Variants in RHCG observed in about 807,000 individuals in gnomAD.
RHCG encodes the protein Rh family C glycoprotein.
RHCG carries 39 observed loss-of-function variants against 55.3 expected under a neutral mutation model. The ratio of observed to expected loss-of-function variants is 0.70; its 90% CI spans 0.55 to 0.92. The LOEUF (loss-of-function observed/expected upper bound fraction) is 0.92, where lower values mean the gene tolerates loss of function less well. Among genes scored for constraint, RHCG ranks in the 40% least tolerant of loss-of-function variants. RHCG has a pLI of 0.00. For synonymous variants in RHCG, 250 were observed against 246.8 expected, an observed-to-expected ratio of 1.01 and a Z score of -0.12; for missense variants, 635 against 627.9, an observed-to-expected ratio of 1.01 and a Z score of -0.12.
chr15:89,494,536 A>G (rs1271734377), intron 1 of RHCG, among the ~76,000 whole-genome samples: 1 of 152,042 alleles, frequency 6.6e-6, no homozygotes, highest in Non-Finnish European at 1.5e-5. Context: ...GTGTGGTGCG[A>G]GGAGGATAAG....
intron 2 of RHCG, among the ~76,000 whole-genome samples, chr15:89,484,199 G>C (rs543580817): frequency 1.3e-5 from 2 of 152,288 alleles, no homozygotes; most frequent in Admixed American, 1.3e-4. Context: ...TGTAGGGCCA[G>C]TTCACTGGAC....
At chr15:89,486,600 G>GTA in intron 2 of RHCG, 199 bp downstream of exon 2, 1 of 367,100 alleles carries the variant, frequency 2.7e-6, no homozygotes, top group Non-Finnish European at 5.2e-6. Context: ...GAGAGAGAGA[G>GTA]TGTGTGTGTG....
chr15:89,478,787 G>A (rs1961205513), intron 5 of RHCG, among the ~76,000 whole-genome samples: 1 of 152,154 alleles, frequency 6.6e-6, no homozygotes, highest in South Asian at 2.1e-4. Context: ...ACGTCAAGAC[G>A]CTTGTGTCAG....
At chr15:89,472,961 C>G in intron 9 of RHCG, 98 bp from the exon 10 acceptor site, 4 of 1,325,628 alleles carry the variant, frequency 3.0e-6, no homozygotes, top group Non-Finnish European at 4.0e-6. Context: ...GTGTGGCGAG[C>G]GCCACCTTGT....
chr15:89,479,274 T>C (rs564794837), intron 5 of RHCG, 48 bp downstream of exon 5: 67 of 1,579,904 alleles, frequency 4.2e-5, no homozygotes, highest in Admixed American at 3.1e-4. Flanking sequence ...ATCAGCGCCC[T>C]CCAGGCCCAG....
At chr15:89,486,222 G>A in intron 2 of RHCG, 2 of 456,382 alleles carry the variant, frequency 4.4e-6, no homozygotes, top group Non-Finnish European at 8.8e-6. Context: ...TCCAGCACCT[G>A]TTCCCTGGGG....
chr15:89,474,936 GCCTT>G lies in RHCG; in HGVS notation c.1311+1815_1311+1818del, dbSNP rs1567224023. ...TTCCTTCCTGCCTGCCTGCCTTCCT[GCCTT>G]CCTGCCTTCATTCATTCCTGCCTGC... On this transcript the variant is annotated intron_variant, in intron 9 of 10. Transcript: ENST00000268122. 8.7e-4 allele frequency among the ~76,000 whole-genome samples: 68 copies of G among 78,610 alleles called. 11 individuals carry two copies. The highest frequency in any genetic ancestry group is 0.012 in the Middle Eastern group (1 of 86). The allele number at this position is 78,610 out of a possible 152,430, so 51.6% of individuals were successfully genotyped here.
At chr15:89,482,540 G>GAT in intron 3 of RHCG, among the ~76,000 whole-genome samples, 1 of 152,314 alleles carries the variant, frequency 6.6e-6, no homozygotes, top group East Asian at 1.9e-4. Context: ...AGGCTTCTGA[G>GAT]ATAGAGTCAG....
chr15:89,472,894 C>T (rs1462007807), intron 9 of RHCG, 31 bp from the exon 10 acceptor site: 1 of 1,399,574 alleles, frequency 7.1e-7, no homozygotes, highest in Non-Finnish European at 9.4e-7. Flanking sequence ...TCTGAGGGCC[C>T]TGTCCCAGTC....
At chr15:89,476,865 G>A in intron 8 of RHCG, 37 bp from the exon 9 acceptor site, 1 of 1,584,332 alleles carries the variant, frequency 6.3e-7, no homozygotes, top group Non-Finnish European at 8.7e-7. Flanking sequence ...GTCAGGAAGT[G>A]CCTTCTCTCT....
chr15:89,477,905 G>A lies in RHCG; in HGVS notation c.907C>T (p.Pro303Ser). 1 of 1,614,044 alleles carries A rather than the reference G, an allele frequency of 6.2e-7. No homozygotes were observed. The highest frequency in any genetic ancestry group is 8.5e-7 in the Non-Finnish European group (1 of 1,179,990). The change falls in exon 6 of 11, where the codon CCT becomes TCT. Residue 303 changes from proline (P) to serine (S), a missense_variant. Transcript: ENST00000268122. This position sits in a 1 kb window ranked among gnomAD's most constrained non-coding sequence, Gnocchi z 4.5. The stretch of plus-strand genomic sequence containing the variant: ...AAGCCGATGATGAGGGCACCGTAAG[G>A]CATGAGCATCATCTCAGCAGCGGTA... ...VGTAAEMMLM[P>S]YGALIIGFVC...
intron 2 of RHCG, among the ~76,000 whole-genome samples, chr15:89,484,898 A>T (rs1182207279): frequency 1.3e-5 from 2 of 152,106 alleles, no homozygotes; most frequent in African/African-American, 2.4e-5. Context: ...AAGCTTGGGC[A>T]GGGCCTGAAG....
At chr15:89,489,283 AT>A (rs577244121) in intron 1 of RHCG, among the ~76,000 whole-genome samples, 209 of 145,572 alleles carry the variant, frequency 1.4e-3, no homozygotes, top group East Asian at 2.4e-3. Context: ...CACCCAGCTA[AT>A]TTTTTTTTTT....
intron 2 of RHCG, among the ~76,000 whole-genome samples, chr15:89,485,082 A>G (rs773733607): frequency 5.9e-5 from 9 of 152,150 alleles, no homozygotes; most frequent in Non-Finnish European, 1.0e-4. Flanking sequence ...TGAAAAATCA[A>G]TCTCCTGAGA....
chr15:89,496,451 A>G lies in RHCG; in HGVS notation c.94T>C (p.Tyr32His), dbSNP rs1429021680. Residue 32 changes from tyrosine (Y) to histidine (H), a missense_variant, in exon 1 of 11, where the codon TAC becomes CAC. Coordinates refer to ENST00000268122, the MANE Select transcript of RHCG (RefSeq NM_016321.3). Reference sequence around the variant, plus strand: ...CAGTGGGCGTCGGCCTCGAAGTCGTAGCGCACGAACACCCCGAAGAGAATC... The same window carrying G: ...CAGTGGGCGTCGGCCTCGAAGTCGTGGCGCACGAACACCCCGAAGAGAATC... ...MVILFGVFVR[Y>H]DFEADAHWWS... 2 of 1,614,028 alleles carry G rather than the reference A, an allele frequency of 1.2e-6. No homozygotes were observed. Among genetic ancestry groups the G allele is most frequent in the Admixed American group, 3.3e-5 (2 of 60,036 alleles).
intron 2 of RHCG, chr15:89,486,554 GAGAGAGAGAC>G: frequency 1.8e-6 from 1 of 554,710 alleles, no homozygotes. Context: ...AAGTGAGAGA[GAGAGAGAGAC>G]AGAGAGAGAG....
intron 1 of RHCG, among the ~76,000 whole-genome samples, chr15:89,493,430 G>A (rs1213205331): frequency 6.6e-6 from 1 of 152,224 alleles, no homozygotes; most frequent in Middle Eastern, 3.2e-3. Context: ...CCTGCTGCAG[G>A]GCCCATGCCT....
Position 89,483,163 on chromosome 15 carries a change from A to G in RHCG, c.426T>C (p.Val142=). 6.2e-7 allele frequency: 1 copy of G among 1,602,664 alleles called. No homozygotes were observed. Among genetic ancestry groups the G allele is most frequent in the Non-Finnish European group, 8.5e-7 (1 of 1,170,630 alleles). Residue 142 remains valine (V), a synonymous_variant, in exon 3 of 11, where the codon GTT becomes GTC. Coordinates refer to ENST00000268122, the MANE Select transcript of RHCG (RefSeq NM_016321.3). ...VASVCVAFGA[V]LGKVSPIQLL... ...GCTGAATGGGGCTGACTTTACCCAG[A>G]ACTGCCCCAAAGGCCACGCAGACAG...
chr15:89,487,463 T>C (rs1961396812), intron 1 of RHCG, among the ~76,000 whole-genome samples: 1 of 152,178 alleles, frequency 6.6e-6, no homozygotes, highest in Non-Finnish European at 1.5e-5. Flanking sequence ...GAGGCTATGA[T>C]GCCCTGCCCT....
Sources: allele counts gnomAD v4.1 joint callset (sites outside exome capture counted in the v4.1 genomes callset), GRCh38; gene constraint gnomAD v4.1.1; non-coding constraint Gnocchi (gnomAD v3.1); transcripts MANE v1.5; gene names NCBI Gene and HGNC (gene_info 2026-07-23, HGNC 2026-07-21).